Variants in BRD4 observed in about 807,000 individuals in gnomAD.
BRD4 encodes the protein bromodomain containing 4, also known as bromodomain-containing protein 4.
A neutral mutation model predicts 142.1 loss-of-function variants in BRD4; 16 were observed. The observed-to-expected ratio is 0.11, with a 90% CI of 0.08 to 0.17. The LOEUF is 0.17. Among genes scored for constraint, BRD4 ranks in the 10% least tolerant of loss-of-function variants. The probability of loss-of-function intolerance (pLI) is 1.00; values close to 1 mark genes in which losing one functional copy is unlikely to be tolerated. For missense variants in BRD4, 1,424 were observed against 1,810.9 expected, an observed-to-expected ratio of 0.79 and a Z score of 3.88; for synonymous variants, 833 against 707.5, an observed-to-expected ratio of 1.18 and a Z score of -2.82.
chr19:15,286,059 G>A (rs1434955658), intron 1 of BRD4, among the ~76,000 whole-genome samples: 3 of 152,282 alleles, frequency 2.0e-5, no homozygotes, highest in Admixed American at 6.5e-5. Context: ...GCCACCTCAA[G>A]GAGGTGCCCC....
intron 1 of BRD4, among the ~76,000 whole-genome samples, chr19:15,322,387 T>C (rs2048069250): frequency 6.6e-6 from 1 of 151,750 alleles, no homozygotes; most frequent in Admixed American, 6.6e-5. Context: ...TTCTCCTCCC[T>C]CAAGCCATGC....
chr19:15,265,571 G>A lies in BRD4; in HGVS notation c.632C>T (p.Pro211Leu). The change falls in exon 5 of 20, where the codon CCT (proline) becomes CTT (leucine). Residue 211 changes from proline (P) to leucine (L), a missense_variant. Coordinates refer to ENST00000679869, the MANE Select transcript of BRD4 (RefSeq NM_001379291.1). The part of the protein sequence containing the change: ...QASTPPQTQT[P>L]QPNPPPVQAT... ...CTGCACAGGAGGAGGATTCGGCTGA[G>A]GGGTCTGGGTCTGCGGAGGAGTCGA... 6.2e-7 allele frequency: 1 copy of A among 1,614,162 alleles called. No individual in the cohort carries two copies.
chr19:15,293,347 C>T lies in BRD4; in HGVS notation c.-34-20214G>A, dbSNP rs559186727. On this transcript the variant is annotated intron_variant, in intron 1 of 19. Transcript: ENST00000679869. ...AGCAGGGTGGCACCGGGTAAGGCCA[C>T]TGGCAGGCTTATCTCAGTTCCCAGG... 4.6e-5 allele frequency among the ~76,000 whole-genome samples: 7 copies of T among 152,274 alleles called. No homozygotes were observed. The South Asian group carries it at 1.0e-3, about 23-fold the overall frequency.
intron 1 of BRD4, among the ~76,000 whole-genome samples, chr19:15,273,355 G>A (rs2047610880): frequency 6.6e-6 from 1 of 152,202 alleles, no homozygotes; most frequent in Non-Finnish European, 1.5e-5. Context: ...AACCAACAGA[G>A]GAGGCAGAGT....
rs201104987 is a variant in BRD4, at chr19:15,242,892, C to A, written c.3169+8G>T. 3.0e-4 allele frequency: 479 copies of A among 1,602,242 alleles called. 6 individuals are homozygous for A. The East Asian group carries it at 0.01, about 35-fold the overall frequency. The stretch of plus-strand genomic sequence containing the variant: ...CCTCCCCAGAGTCTACGGGTGAGGA[C>A]CACTTACCGGTTGAGTAGGGGTCCG... On this transcript the variant is annotated splice_region_variant and intron_variant, in intron 14 of 19. Transcript: ENST00000679869.
At chr19:15,312,295 C>G (rs2047978138) in intron 1 of BRD4, among the ~76,000 whole-genome samples, 1 of 152,006 alleles carries the variant, frequency 6.6e-6, no homozygotes, top group Non-Finnish European at 1.5e-5. Context: ...CTCAGGAGTT[C>G]AAGGCCAGCC....
chr19:15,330,039 T>C (rs1238786224), intron 1 of BRD4, among the ~76,000 whole-genome samples: 4 of 152,240 alleles, frequency 2.6e-5, no homozygotes, highest in Admixed American at 2.0e-4. Flanking sequence ...GCTAGGCATA[T>C]AGCACCCCAG....
rs780389662 is a variant in BRD4 at position 15,238,565 on chromosome 19, C to A, written c.4021-120G>T. On this transcript the variant is annotated intron_variant, in intron 19 of 19. Transcript: ENST00000679869. The surrounding 1 kb of genome is among the most constrained non-coding windows in gnomAD (Gnocchi z 7.2). ...CCTCCCCGTGGCTGACCCCTCATAG[C>A]GCTCACCCCGTCCACACAGCACTCA... 32 of 1,544,516 alleles carry A rather than the reference C, an allele frequency of 2.1e-5. No individual in the cohort carries two copies. The highest frequency in any genetic ancestry group is 2.8e-5 in the Non-Finnish European group (32 of 1,144,954).
intron 1 of BRD4, among the ~76,000 whole-genome samples, chr19:15,315,515 G>C (rs528189791): frequency 5.5e-4 from 83 of 152,242 alleles, no homozygotes; most frequent in African/African-American, 1.9e-3. Context: ...GGGATTGGGG[G>C]GGGGAAGCAC....
intron 1 of BRD4, among the ~76,000 whole-genome samples, chr19:15,277,789 C>CCAAAACAAAACAAAA (rs370368371): frequency 1.3e-5 from 2 of 149,532 alleles, no homozygotes; most frequent in Admixed American, 6.7e-5. Context: ...GACTCCGTCT[C>CCAAAACAAAACAAAA]CAAAACAAAA....
chr19:15,330,084 C>T (rs1003609321), intron 1 of BRD4, among the ~76,000 whole-genome samples: 2 of 152,214 alleles, frequency 1.3e-5, no homozygotes, highest in South Asian at 4.1e-4. Flanking sequence ...CAGCAGCTAC[C>T]TTCTTATCTT....
In BRD4 at chr19:15,243,255, C is replaced by G. The variant is rs2047255249; in HGVS notation, c.2814G>C (p.Val938=). The G allele has an allele frequency of 2.1e-6, 3 of 1,456,546 alleles. No individual in the cohort carries two copies. The highest frequency in any genetic ancestry group is 2.8e-6 in the Non-Finnish European group (3 of 1,090,332). 90.2% of individuals were successfully genotyped at this position (1,456,546 alleles called of 1,614,324 possible). The change falls in exon 14 of 20, where the codon GTG becomes GTC. Residue 938 remains valine (V), a synonymous_variant. Transcript: ENST00000679869. ...AAGGGAGTAGCGGCGTAGGGGGCTGCACCTTCTGCAGCTGCTGCAGGTACA... is the reference window on the plus strand; with the variant it reads ...AAGGGAGTAGCGGCGTAGGGGGCTGGACCTTCTGCAGCTGCTGCAGGTACA... ...MQLYLQQLQK[V]QPPTPLLPSV...
intron 4 of BRD4, 56 bp from the exon 5 acceptor site, chr19:15,265,699 C>T: frequency 6.3e-7 from 1 of 1,584,154 alleles, no homozygotes; most frequent in Non-Finnish European, 8.7e-7. Flanking sequence ...CACATGCTGG[C>T]TGACCTCGTG....
rs73508459 is a variant in BRD4 at position 15,325,296 on chromosome 19, T to A, written c.-35+6994A>T. Among the ~76,000 whole-genome samples the A allele has an allele frequency of 1.1e-3, 175 of 152,278 alleles. 1 individual carries two copies. The highest frequency in any genetic ancestry group is 4.0e-3 in the African/African-American group (168 of 41,560). ...GAGGCCTGAATGTGCCGTACTGGTG[T>A]TATCAGTCTTTGGAGCAAGGCAGCA... is the stretch of plus-strand genomic sequence containing the variant. On this transcript the variant is annotated intron_variant, in intron 1 of 19. Transcript: ENST00000679869.
In BRD4 at chr19:15,243,297, G is replaced by A. The variant is rs757359377; in HGVS notation, c.2772C>T (p.Thr924=). The change falls in exon 14 of 20, where the codon ACC becomes ACT. Residue 924 remains threonine, a synonymous_variant. Transcript: ENST00000679869. The stretch of plus-strand genomic sequence containing the variant: ...GCAGGTACAGCTGCATCTGCATGGA[G>A]GTGAGGGGTGGGGCAGGTGGCTCTT... ...EDEEPPAPPL[T]SMQMQLYLQQ... is the part of the protein sequence containing the mutation. 1.2e-5 allele frequency: 18 copies of A among 1,498,350 alleles called. No homozygotes were observed. The highest frequency in any genetic ancestry group is 1.4e-5 in the Non-Finnish European group (16 of 1,124,636). The allele number at this position is 1,498,350 out of a possible 1,614,324, so 92.8% of individuals were successfully genotyped here. A position where few individuals can be genotyped will look rare whatever the true frequency, so the allele number is the denominator to read the frequency against.
chr19:15,255,690 C>T, intron 9 of BRD4, 98 bp from the exon 10 acceptor site: 2 of 1,409,770 alleles, frequency 1.4e-6, no homozygotes, highest in Non-Finnish European at 1.9e-6. Context: ...GGGTGCCCTT[C>T]CCATACCCCC....
intron 11 of BRD4, among the ~76,000 whole-genome samples, chr19:15,246,282 G>T (rs1051621044): frequency 2.6e-5 from 4 of 152,150 alleles, no homozygotes; most frequent in African/African-American, 4.8e-5. Flanking sequence ...CTGTGGTGGT[G>T]GGGGGAGGAG....
At chr19:15,282,933 T>C (rs1229112080) in intron 1 of BRD4, among the ~76,000 whole-genome samples, 2 of 152,106 alleles carry the variant, frequency 1.3e-5, no homozygotes, top group African/African-American at 2.4e-5. Flanking sequence ...GTCACTGCAC[T>C]CCAGCCTAGG....
intron 1 of BRD4, among the ~76,000 whole-genome samples, chr19:15,285,138 A>G (rs2047730616): frequency 6.6e-6 from 1 of 152,158 alleles, no homozygotes; most frequent in Non-Finnish European, 1.5e-5. Flanking sequence ...TCCATCACAC[A>G]ACCTAAGTTC....
Sources: gnomAD v4.1 joint callset for allele counts (sites outside exome capture counted in the v4.1 genomes callset) on GRCh38, gnomAD v4.1.1 for gene constraint, Gnocchi (gnomAD v3.1) non-coding constraint, MANE v1.5 for transcripts, NCBI Gene and HGNC (gene_info 2026-07-23, HGNC 2026-07-21) for gene names.